The following MKNK1 variants were observed in gnomAD, a reference collection of about 807,000 sequenced individuals.
The protein encoded by MKNK1 is MAPK interacting serine/threonine kinase 1.
MKNK1 carries 30 observed loss-of-function variants against 49.3 expected under a neutral mutation model. The ratio of observed to expected loss-of-function variants is 0.61; its 90% CI spans 0.46 to 0.83. MKNK1 has a LOEUF of 0.83. MKNK1 is among the 40% of genes least tolerant of loss of function. The probability of loss-of-function intolerance (pLI) is 0.00; values close to 1 mark genes in which losing one functional copy is unlikely to be tolerated. For synonymous variants in MKNK1, 176 were observed against 201.7 expected, an observed-to-expected ratio of 0.87 and a Z score of 1.08; for missense variants, 423 against 524.7, an observed-to-expected ratio of 0.81 and a Z score of 1.89.
chr1:46,571,463 G>T (rs746145900), intron 7 of MKNK1: 1 of 362,308 alleles, frequency 2.8e-6, no homozygotes, highest in South Asian at 2.0e-5. Flanking sequence ...GATCACTGGA[G>T]CCCAGGGAGG....
At chr1:46,561,289 G>A (rs1410936075) in intron 11 of MKNK1, among the ~76,000 whole-genome samples, 189 bp downstream of exon 11, 1 of 152,198 alleles carries the variant, frequency 6.6e-6, no homozygotes, top group East Asian at 1.9e-4. Context: ...CAACTCTATG[G>A]CCTATAAGGG....
intron 1 of MKNK1, among the ~76,000 whole-genome samples, chr1:46,603,841 C>A (rs544585505): frequency 1.6e-4 from 24 of 152,352 alleles, no homozygotes; most frequent in African/African-American, 5.5e-4. Context: ...ACACAGATTT[C>A]ACAAATTCCT....
At chr1:46,596,488 T>C (rs546187188) in intron 1 of MKNK1, among the ~76,000 whole-genome samples, 1 of 152,324 alleles carries the variant, frequency 6.6e-6, no homozygotes, top group East Asian at 1.9e-4. Context: ...GAATTCCTTA[T>C]GGGCTTTGTG....
chr1:46,572,534 G>A (rs1670348094), intron 6 of MKNK1, among the ~76,000 whole-genome samples: 1 of 152,018 alleles, frequency 6.6e-6, no homozygotes, highest in African/African-American at 2.4e-5. Flanking sequence ...CTTCTTAGAG[G>A]CCAAGTTTTC....
At chr1:46,580,887 C>T (rs1246373858) in intron 3 of MKNK1, among the ~76,000 whole-genome samples, 1 of 152,148 alleles carries the variant, frequency 6.6e-6, no homozygotes, top group South Asian at 2.1e-4. Context: ...GCACATACTT[C>T]CTGAATATCT....
intron 1 of MKNK1, 133 bp downstream of exon 1, chr1:46,604,052 C>G: frequency 6.6e-6 from 1 of 152,240 alleles, no homozygotes; most frequent in Non-Finnish European, 1.5e-5. Context: ...TAGGCTGTCC[C>G]TCCGCAGCTG....
rs1328942171 is a variant in MKNK1 at position 46,558,119 on chromosome 1, G to A, written c.*456C>T. ...AGACGGGCAAAGAGGACATCCGGAGGACAGAGGAAGGTGGAAGGACCGCCA... is the reference window on the plus strand; with the variant it reads ...AGACGGGCAAAGAGGACATCCGGAGAACAGAGGAAGGTGGAAGGACCGCCA... On this transcript the variant is annotated 3_prime_UTR_variant, in exon 13 of 13. Coordinates refer to ENST00000371945, the MANE Select transcript of MKNK1 (RefSeq NM_001135553.4). 1 of 160,074 alleles carries A rather than the reference G, an allele frequency of 6.2e-6. No individual in the cohort carries two copies. Among genetic ancestry groups the A allele is most frequent in the Non-Finnish European group, 1.4e-5 (1 of 72,802 alleles). 9.9% of individuals were successfully genotyped at this position (160,074 alleles called of 1,614,324 possible).
intron 2 of MKNK1, among the ~76,000 whole-genome samples, chr1:46,588,917 G>A (rs1285655434): frequency 1.3e-5 from 2 of 152,146 alleles, no homozygotes; most frequent in East Asian, 1.9e-4. Flanking sequence ...TCCACTGCAC[G>A]AACTGCAGCA....
intron 1 of MKNK1, among the ~76,000 whole-genome samples, chr1:46,597,472 G>A (rs770529435): frequency 6.6e-6 from 1 of 152,076 alleles, no homozygotes; most frequent in Non-Finnish European, 1.5e-5. Context: ...CTTCTAATGG[G>A]TGTCCACTGC....
chr1:46,572,617 T>C lies in MKNK1; in HGVS notation c.353-450A>G, dbSNP rs192949597. On this transcript the variant is annotated intron_variant, in intron 6 of 12. Coordinates refer to ENST00000371945, the MANE Select transcript of MKNK1 (RefSeq NM_001135553.4). ...TCATCACTACCTGTCCAGCTCCAAG[T>C]GTGGGGCCTGGTACGGAGGAGGTAC... Among the ~76,000 whole-genome samples the C allele has an allele frequency of 1.2e-3, 175 of 152,132 alleles. 1 individual carries two copies. Among genetic ancestry groups the C allele is most frequent in the African/African-American group, 4.1e-3 (171 of 41,508 alleles).
chr1:46,590,556 G>C (rs1673184821), intron 2 of MKNK1, among the ~76,000 whole-genome samples: 1 of 152,056 alleles, frequency 6.6e-6, no homozygotes, highest in Non-Finnish European at 1.5e-5. Flanking sequence ...CGCATAGCTT[G>C]TAAGTGGCAG....
chr1:46,601,772 C>T (rs1244432275), intron 1 of MKNK1, among the ~76,000 whole-genome samples: 1 of 152,224 alleles, frequency 6.6e-6, no homozygotes, highest in Non-Finnish European at 1.5e-5. Context: ...ATGTCACTGA[C>T]TCACTTAACC....
At chr1:46,602,637 GA>G (rs1472501874) in intron 1 of MKNK1, among the ~76,000 whole-genome samples, 1 of 151,318 alleles carries the variant, frequency 6.6e-6, no homozygotes, top group African/African-American at 2.4e-5. Flanking sequence ...AAAACACTGA[GA>G]TTTTTTTGCA....
At chr1:46,585,911 C>T (rs548869753) in intron 2 of MKNK1, 52 of 1,364,974 alleles carry the variant, frequency 3.8e-5, no homozygotes, top group Admixed American at 1.7e-4. Flanking sequence ...AAAGAGGGTA[C>T]GCCAGAAGGG....
At chr1:46,562,117 T>C (rs987325022) in intron 10 of MKNK1, among the ~76,000 whole-genome samples, 24 of 152,224 alleles carry the variant, frequency 1.6e-4, no homozygotes, top group Non-Finnish European at 1.5e-4. Flanking sequence ...AGTTCAGGGC[T>C]GGGCGCGGTG....
At chr1:46,601,873 GAGT>G (rs1674772874) in intron 1 of MKNK1, among the ~76,000 whole-genome samples, 1 of 152,204 alleles carries the variant, frequency 6.6e-6, no homozygotes. Flanking sequence ...CACGTACTCA[GAGT>G]ACATATGGAG....
At chr1:46,592,422 G>A (rs1240279207) in intron 2 of MKNK1, among the ~76,000 whole-genome samples, 1 of 152,232 alleles carries the variant, frequency 6.6e-6, no homozygotes, top group Non-Finnish European at 1.5e-5. Context: ...GATTCCTAAA[G>A]GAGTTTTGGG....
At position 46,583,296 on chromosome 1, in the gene MKNK1, T is replaced by A. The variant is rs768089966; in HGVS notation, c.32A>T (p.Asp11Val). ...CTTCTTCTTCCTCCTCCTGTCACCA[T>A]CTGCGATGGGAAGGGGTTCGCTACT... MGSSEPLPIA[D>V]GDRRRKKKRR... The change falls in exon 3 of 13, where the codon GAT (aspartate) becomes GTT (valine). Residue 11 changes from aspartate (D) to valine (V), a missense_variant. Transcript: ENST00000371945. The A allele has an allele frequency of 1.2e-6, 2 of 1,613,870 alleles. No individual in the cohort carries two copies. The highest frequency in any genetic ancestry group is 1.7e-6 in the Non-Finnish European group (2 of 1,179,966).
chr1:46,579,985 T>C (rs1314655172), intron 4 of MKNK1, among the ~76,000 whole-genome samples: 2 of 152,212 alleles, frequency 1.3e-5, no homozygotes, highest in African/African-American at 4.8e-5. Flanking sequence ...TTGGATAGCA[T>C]TTTGTGACGT....
Sources: allele counts gnomAD v4.1 joint callset (sites outside exome capture counted in the v4.1 genomes callset), GRCh38; gene constraint gnomAD v4.1.1; transcripts MANE v1.5; gene names NCBI Gene and HGNC (gene_info 2026-07-23, HGNC 2026-07-21).